CCDC7: variants seen among roughly 807,000 people sequenced by gnomAD.
The protein encoded by CCDC7 is coiled-coil domain containing 7.
A neutral mutation model predicts 196.9 loss-of-function variants in CCDC7; 183 were observed. The ratio of observed to expected loss-of-function variants is 0.93; its 90% confidence interval spans 0.82 to 1.05. The LOEUF is 1.05. Among genes scored for constraint, CCDC7 ranks in the 50% least tolerant of loss-of-function variants. The pLI, the probability that CCDC7 is intolerant of heterozygous loss-of-function variation, is 0.00. For missense variants in CCDC7, 1,540 were observed against 1,482.2 expected (o/e 1.04, Z -0.64); for synonymous variants, 525 against 484.6 (o/e 1.08, Z -1.10).
chr10:32,594,009 T>G (rs2060048388), intron 18 of CCDC7, among the ~76,000 whole-genome samples: 1 of 152,238 alleles, frequency 6.6e-6, no homozygotes, highest in Non-Finnish European at 1.5e-5. Context: ...TTCTTTTGGC[T>G]TAGGATTGTC....
chr10:32,692,246 G>C (rs1459892940), intron 23 of CCDC7, among the ~76,000 whole-genome samples: 1 of 152,098 alleles, frequency 6.6e-6, no homozygotes, highest in Non-Finnish European at 1.5e-5. Context: ...ACTTTTTTGA[G>C]CCCATTGACT....
In CCDC7 at chr10:32,522,568, G is replaced by A. The variant is rs1402897706; in HGVS notation, c.993+4063G>A. 2.0e-5 allele frequency among the ~76,000 whole-genome samples: 3 copies of A among 151,660 alleles called. No homozygotes were observed. The East Asian group carries it at 5.8e-4, about 29-fold the overall frequency. ...TTTCAGTCTTTCTCTTCTTTTCATA[G>A]TCTGACTAAAGGTTTGTCAATTTTA... On this transcript the variant is annotated intron_variant, in intron 11 of 41. Coordinates refer to ENST00000639629, the Ensembl canonical transcript of CCDC7.
intron 18 of CCDC7, among the ~76,000 whole-genome samples, chr10:32,595,603 C>G (rs1459919012): frequency 1.3e-5 from 2 of 152,116 alleles, no homozygotes; most frequent in African/African-American, 4.8e-5. Flanking sequence ...TGTGTTTGCT[C>G]TTGCTTCTCT....
intron 18 of CCDC7, among the ~76,000 whole-genome samples, chr10:32,633,918 A>G (rs767942420): frequency 6.6e-5 from 10 of 151,702 alleles, no homozygotes; most frequent in Non-Finnish European, 1.0e-4. Flanking sequence ...CTTGTATTAC[A>G]TTTCATGAAA....
At chr10:32,726,594 T>C (rs1230443623) in intron 25 of CCDC7, 140 bp from the exon 27 acceptor site, 9 of 478,632 alleles carry the variant, frequency 1.9e-5, no homozygotes, top group Non-Finnish European at 2.2e-5. Context: ...TAAATTATGG[T>C]GATTTACTTA....
intron 8 of CCDC7, among the ~76,000 whole-genome samples, chr10:32,485,867 T>C (rs1464902875): frequency 1.3e-5 from 2 of 152,224 alleles, no homozygotes. Context: ...AGAGACAGTT[T>C]GTTATAATTT....
At chr10:32,833,365 A>G (rs922627588) in intron 32 of CCDC7, among the ~76,000 whole-genome samples, 1 of 150,618 alleles carries the variant, frequency 6.6e-6, no homozygotes, top group African/African-American at 2.4e-5. Context: ...AAAAAAAAAA[A>G]AAGAAAGCTC....
At chr10:32,709,419 T>C (rs1374440967) in intron 24 of CCDC7, among the ~76,000 whole-genome samples, 3 of 152,006 alleles carry the variant, frequency 2.0e-5, no homozygotes, top group Non-Finnish European at 2.9e-5. Context: ...TGTATACATA[T>C]GTAATAATCC....
At chr10:32,814,885 A>G (rs1379210270) in intron 31 of CCDC7, among the ~76,000 whole-genome samples, 1 of 152,226 alleles carries the variant, frequency 6.6e-6, no homozygotes, top group Admixed American at 6.5e-5. Context: ...TAACAAATAA[A>G]TAATGGAAAG....
At chr10:32,792,322 C>T (rs2082838536) in intron 29 of CCDC7, among the ~76,000 whole-genome samples, 1 of 152,026 alleles carries the variant, frequency 6.6e-6, no homozygotes, top group Admixed American at 6.5e-5. Context: ...GTATGTAGAT[C>T]ATATATATCT....
At chr10:32,720,317 C>A (rs2082220453) in intron 25 of CCDC7, among the ~76,000 whole-genome samples, 1 of 152,014 alleles carries the variant, frequency 6.6e-6, no homozygotes, top group African/African-American at 2.4e-5. Context: ...GCAACTAATA[C>A]ACAGCCAACT....
intron 13 of CCDC7, among the ~76,000 whole-genome samples, chr10:32,558,467 T>C (rs1432017024): frequency 1.3e-5 from 2 of 152,098 alleles, no homozygotes; most frequent in Non-Finnish European, 2.9e-5. Context: ...CTCCCTATCT[T>C]ATCTTCTTTT....
intron 21 of CCDC7, among the ~76,000 whole-genome samples, chr10:32,668,288 C>G (rs1438865290): frequency 1.3e-5 from 2 of 152,136 alleles, no homozygotes; most frequent in African/African-American, 4.8e-5. Flanking sequence ...ATGGGGTTTT[C>G]TAGATATACA....
In CCDC7 at chr10:32,657,953, G is replaced by A. The variant is rs2070333702; in HGVS notation, c.2015-6101G>A. The stretch of plus-strand genomic sequence containing the variant: ...GTAGGGCAGGGGCAAAATGCTACCA[G>A]TCTCTTTGCTAAAGTATTGCAAGAG... On this transcript the variant is annotated intron_variant, in intron 20 of 41. Coordinates refer to ENST00000639629, the Ensembl canonical transcript of CCDC7. Among the ~76,000 whole-genome samples the A allele has an allele frequency of 4.6e-5, 7 of 152,206 alleles. 1 individual carries two copies. In the South Asian group the frequency reaches 1.4e-3, roughly 32 times the overall value.
chr10:32,873,232 C>T (rs1181839376), intron 41 of CCDC7, among the ~76,000 whole-genome samples: 2 of 152,118 alleles, frequency 1.3e-5, no homozygotes, highest in Admixed American at 6.5e-5. Flanking sequence ...AGTCTTTGTT[C>T]ATTTCTTTTT....
intron 24 of CCDC7, among the ~76,000 whole-genome samples, chr10:32,700,678 T>A (rs891328716): frequency 6.6e-6 from 1 of 152,238 alleles, no homozygotes; most frequent in African/African-American, 2.4e-5. Flanking sequence ...TGATTCTTCC[T>A]ATCCATGAGC....
intron 20 of CCDC7, among the ~76,000 whole-genome samples, chr10:32,651,608 A>G (rs2068772007): frequency 6.6e-6 from 1 of 152,182 alleles, no homozygotes; most frequent in Non-Finnish European, 1.5e-5. Flanking sequence ...TTACAGACTA[A>G]GAGTATTTAA....
chr10:32,478,788 G>A (rs1198327112), intron 8 of CCDC7, among the ~76,000 whole-genome samples: 1 of 151,990 alleles, frequency 6.6e-6, no homozygotes, highest in Non-Finnish European at 1.5e-5. Context: ...TCTTTGTCCG[G>A]CTTTGGTATT....
intron 13 of CCDC7, among the ~76,000 whole-genome samples, chr10:32,553,631 C>G (rs887773295): frequency 6.6e-6 from 1 of 152,140 alleles, no homozygotes; most frequent in Non-Finnish European, 1.5e-5. Flanking sequence ...GTACTCTCCC[C>G]CTTTTCCTAT....
Sources: allele counts gnomAD v4.1 joint callset (sites outside exome capture counted in the v4.1 genomes callset), GRCh38; gene constraint gnomAD v4.1.1; transcripts MANE v1.5; gene names NCBI Gene and HGNC (gene_info 2026-07-23, HGNC 2026-07-21).